Variants in CEMIP observed in about 807,000 individuals in gnomAD.
CEMIP encodes the protein cell migration inducing hyaluronidase 1.
CEMIP carries 105 observed loss-of-function variants against 156.9 expected under a neutral mutation model. The observed-to-expected ratio is 0.67, with a 90% CI of 0.57 to 0.79. The LOEUF is 0.79. Among genes scored for constraint, CEMIP ranks in the 30% least tolerant of loss-of-function variants. The pLI is 0.00. For missense variants in CEMIP, 1,457 were observed against 1,769.4 expected (o/e 0.82, Z 3.17); for synonymous variants, 676 against 668.4 (o/e 1.01, Z -0.17).
rs150457247 is a variant in CEMIP at position 80,948,183 on chromosome 15, C to T, written c.3959-614C>T. The T allele has an allele frequency of 1.3e-3, 211 of 158,844 alleles. 1 individual carries two copies. The highest frequency in any genetic ancestry group is 4.6e-3 in the African/African-American group (192 of 41,664). The allele number at this position is 158,844 out of a possible 1,614,324, so 9.8% of individuals were successfully genotyped here. On this transcript the variant is annotated intron_variant, in intron 29 of 29. Transcript: ENST00000394685. ...CCCGGTGGTGATAAATGCATGTTGC[C>T]TGCCAAGATGGGCTGAGTATAGACG... is the stretch of plus-strand genomic sequence containing the variant.
Position 80,900,662 on chromosome 15 carries a change from CTG to C in CEMIP, c.1411+4616_1411+4617del, listed in dbSNP as rs1188670554. Among the ~76,000 whole-genome samples, 71 of 90,718 alleles carry C rather than the reference CTG, an allele frequency of 7.8e-4. No individual in the cohort carries two copies. In the East Asian group the frequency reaches 0.018, roughly 23 times the overall value. The allele number at this position is 90,718 out of a possible 152,430, so 59.5% of individuals were successfully genotyped here. On this transcript the variant is annotated intron_variant, in intron 12 of 29. Transcript: ENST00000394685. ...TGTGTGTGTGTGTCTGTGTGTGTGT[CTG>C]TGTGTGTGTGTGTATTTTGTGTGTG... is the stretch of plus-strand genomic sequence containing the variant.
At position 80,901,786 on chromosome 15, in the gene CEMIP, A is replaced by G. The variant is rs541293405; in HGVS notation, c.1412-4877A>G. Reference sequence around the variant, plus strand: ...GCCACCGGTGACTAGTGGCTACCATACTGGACAACGCAGAATAGAGCATTT... The same window carrying G: ...GCCACCGGTGACTAGTGGCTACCATGCTGGACAACGCAGAATAGAGCATTT... On this transcript the variant is annotated intron_variant, in intron 12 of 29. Transcript: ENST00000394685. Among the ~76,000 whole-genome samples, 11 of 152,038 alleles carry G rather than the reference A, an allele frequency of 7.2e-5. No individual in the cohort carries two copies. In the South Asian group the frequency reaches 2.3e-3, roughly 32 times the overall value.
intron 1 of CEMIP, among the ~76,000 whole-genome samples, chr15:80,792,011 C>A (rs1896094325): frequency 6.6e-6 from 1 of 152,224 alleles, no homozygotes; most frequent in Non-Finnish European, 1.5e-5. Context: ...CTCTTCTCTG[C>A]ACTGTAGTTG....
intron 1 of CEMIP, among the ~76,000 whole-genome samples, chr15:80,802,200 G>A (rs1187848707): frequency 2.0e-5 from 3 of 152,228 alleles, no homozygotes; most frequent in African/African-American, 4.8e-5. Flanking sequence ...GTAACAAGGA[G>A]CAGTAACAAG....
At chr15:80,940,702 G>T (rs149956256) in intron 25 of CEMIP, among the ~76,000 whole-genome samples, 140 of 152,358 alleles carry the variant, frequency 9.2e-4, no homozygotes, top group African/African-American at 3.1e-3. Context: ...GCTACAGAGA[G>T]AAGACCAAGG....
intron 1 of CEMIP, among the ~76,000 whole-genome samples, chr15:80,849,514 G>T (rs917830613): frequency 6.6e-6 from 1 of 152,074 alleles, no homozygotes; most frequent in Admixed American, 6.6e-5. Flanking sequence ...CCCACTTCAC[G>T]CCGTGGGATC....
chr15:80,869,580 C>CT, intron 1 of CEMIP, among the ~76,000 whole-genome samples: 1 of 152,328 alleles, frequency 6.6e-6, no homozygotes, highest in East Asian at 1.9e-4. Flanking sequence ...GGTACCATCT[C>CT]TTTATCTTCC....
intron 1 of CEMIP, among the ~76,000 whole-genome samples, chr15:80,796,262 C>T (rs1012687843): frequency 2.6e-5 from 4 of 152,202 alleles, no homozygotes; most frequent in African/African-American, 9.7e-5. Flanking sequence ...GTACATGCCA[C>T]CGTGCCCAGC....
At chr15:80,793,491 G>T (rs1326297930) in intron 1 of CEMIP, among the ~76,000 whole-genome samples, 1 of 152,152 alleles carries the variant, frequency 6.6e-6, no homozygotes, top group Non-Finnish European at 1.5e-5. Flanking sequence ...CACAGGTAGG[G>T]TTACCCACAA....
chr15:80,815,095 G>A (rs895544672), intron 1 of CEMIP, among the ~76,000 whole-genome samples: 1 of 152,220 alleles, frequency 6.6e-6, no homozygotes, highest in Non-Finnish European at 1.5e-5. Context: ...TGGAAAAACC[G>A]GTCCAAGTAA....
chr15:80,887,624 C>T lies in CEMIP; in HGVS notation c.798-70C>T. 2.5e-6 allele frequency: 3 copies of T among 1,214,534 alleles called. No homozygotes were observed. The South Asian group carries it at 3.7e-5, about 15-fold the overall frequency. 75.2% of individuals were successfully genotyped at this position (1,214,534 alleles called of 1,614,324 possible). ...TGACGCTGCTTCAACTCTGCCCCAT[C>T]CCCCCACACTCTGTGCAGGTACAGA... On this transcript the variant is annotated intron_variant, in intron 7 of 29. Coordinates refer to ENST00000394685, the MANE Select transcript of CEMIP (RefSeq NM_001293298.2).
rs1205986865 is a variant in CEMIP, at chr15:80,818,308, A to G, written c.-176+38694A>G. Reference sequence around the variant, plus strand: ...GGTGGATCATACACTGGCTCTTAAGACTTCACTTGTGTGACATATGTCACT... The same window carrying G: ...GGTGGATCATACACTGGCTCTTAAGGCTTCACTTGTGTGACATATGTCACT... On this transcript the variant is annotated intron_variant, in intron 1 of 29. Transcript: ENST00000394685. 2.0e-5 allele frequency among the ~76,000 whole-genome samples: 3 copies of G among 152,092 alleles called. No individual in the cohort carries two copies. In the East Asian group the frequency reaches 5.8e-4, roughly 29 times the overall value.
chr15:80,826,139 T>A (rs1420273031), intron 1 of CEMIP, among the ~76,000 whole-genome samples: 1 of 152,240 alleles, frequency 6.6e-6, no homozygotes, highest in Non-Finnish European at 1.5e-5. Context: ...TGGTAGGGAA[T>A]TAAAAATATA....
chr15:80,897,390 C>T (rs997019297), intron 12 of CEMIP: 5 of 455,562 alleles, frequency 1.1e-5, no homozygotes, highest in Non-Finnish European at 2.2e-5. Flanking sequence ...AATTCAGTCC[C>T]CTTATCTTAA....
rs941373845 is a variant in CEMIP at position 80,837,764 on chromosome 15, T to C, written c.-175-35774T>C. On this transcript the variant is annotated intron_variant, in intron 1 of 29. Coordinates refer to ENST00000394685, the MANE Select transcript of CEMIP (RefSeq NM_001293298.2). Reference sequence around the variant, plus strand: ...TAGTGTCATTTCTTTTCATTCAAGATGCCAGCTGTTGGGGGCAAAGTTGCC... The same window carrying C: ...TAGTGTCATTTCTTTTCATTCAAGACGCCAGCTGTTGGGGGCAAAGTTGCC... Among the ~76,000 whole-genome samples the C allele has an allele frequency of 5.9e-5, 9 of 152,256 alleles. No individual in the cohort carries two copies. In the South Asian group the frequency reaches 1.7e-3, roughly 28 times the overall value.
At position 80,925,768 on chromosome 15, in the gene CEMIP, G is replaced by A. The variant is rs373859174; in HGVS notation, c.2420+13G>A. 4.3e-5 allele frequency: 70 copies of A among 1,610,518 alleles called. No homozygotes were observed. Among genetic ancestry groups the A allele is most frequent in the Non-Finnish European group, 5.1e-5 (60 of 1,179,586 alleles). On this transcript the variant is annotated intron_variant, in intron 19 of 29. Transcript: ENST00000394685. Reference sequence around the variant, plus strand: ...TGGACAGCTGCCGGTGAGTCAGAGCGGCGTGTGGCTTTGGCACAAAGGGGG... The same window carrying A: ...TGGACAGCTGCCGGTGAGTCAGAGCAGCGTGTGGCTTTGGCACAAAGGGGG...
At position 80,880,946 on chromosome 15, in the gene CEMIP, A is replaced by C. The variant is rs759903288; in HGVS notation, c.427A>C (p.Ile143Leu). The C allele has an allele frequency of 1.2e-6, 2 of 1,614,200 alleles. No homozygotes were observed. Among genetic ancestry groups the C allele is most frequent in the South Asian group, 2.2e-5 (2 of 91,080 alleles). Residue 143 changes from isoleucine (I) to leucine (L), a missense_variant, in exon 6 of 30, where the codon ATT becomes CTT. By Grantham distance (5) the Ile-to-Leu change is conservative. Around this residue, in one of 5 missense-constraint regions of CEMIP, gnomAD observed 309 missense variants for 340.8 expected, o/e 0.91. Coordinates refer to ENST00000394685, the MANE Select transcript of CEMIP (RefSeq NM_001293298.2). ...GGATCCTTACTATGGTCTGAAGTAC[A>C]TTGGGGTTGGTAAAGGAGGCGCTCT... ...QPDPYYGLKY[I>L]GVGKGGALEL... is the part of the protein sequence containing the mutation.
At chr15:80,936,927 T>C (rs1236729918) in intron 24 of CEMIP, 42 bp downstream of exon 24, 3 of 1,581,058 alleles carry the variant, frequency 1.9e-6, no homozygotes, top group South Asian at 1.1e-5. Context: ...TCAAAGCTGA[T>C]AACGATGCCT....
chr15:80,793,449 G>T (rs183136853), intron 1 of CEMIP, among the ~76,000 whole-genome samples: 11 of 152,306 alleles, frequency 7.2e-5, no homozygotes, highest in Admixed American at 6.5e-4. Context: ...ACCATTGAAT[G>T]GTGGAACTCT....
Sources: allele counts gnomAD v4.1 joint callset (sites outside exome capture counted in the v4.1 genomes callset), GRCh38; gene constraint gnomAD v4.1.1; regional missense constraint gnomAD v4.1.1; transcripts MANE v1.5; gene names NCBI Gene and HGNC (gene_info 2026-07-23, HGNC 2026-07-21).